Variants in EPB41L4A observed in about 807,000 individuals in gnomAD.
EPB41L4A encodes band 4.1-like protein 4A.
A neutral mutation model predicts 108.6 loss-of-function variants in EPB41L4A; 100 were observed. The observed-to-expected ratio is 0.92, with a 90% confidence interval of 0.78 to 1.09. The LOEUF is 1.09. EPB41L4A is among the 50% of genes least tolerant of loss of function. The pLI is 0.00. For synonymous variants in EPB41L4A, 319 were observed against 289.0 expected (o/e 1.10, Z -1.05); for missense variants, 1,030 against 842.7 (o/e 1.22, Z -2.75).
intron 11 of EPB41L4A, among the ~76,000 whole-genome samples, chr5:112,236,619 C>A (rs564791214): frequency 6.6e-6 from 1 of 152,154 alleles, no homozygotes; most frequent in Non-Finnish European, 1.5e-5. Flanking sequence ...CTCTCTGTTA[C>A]GACAGGACAC....
At chr5:112,390,000 G>C (rs994757356) in intron 1 of EPB41L4A, among the ~76,000 whole-genome samples, 2 of 152,304 alleles carry the variant, frequency 1.3e-5, no homozygotes, top group Middle Eastern at 3.4e-3. Flanking sequence ...CTAAGCTCTA[G>C]TAAATAAATT....
At chr5:112,173,096 T>C (rs1450458143) in intron 18 of EPB41L4A, among the ~76,000 whole-genome samples, 2 of 152,224 alleles carry the variant, frequency 1.3e-5, no homozygotes, top group Non-Finnish European at 1.5e-5. Flanking sequence ...AGGAATTAAG[T>C]GGCTATGGTT....
chr5:112,197,910 T>C (rs557554749), intron 15 of EPB41L4A, among the ~76,000 whole-genome samples: 15 of 152,352 alleles, frequency 9.8e-5, no homozygotes, highest in Admixed American at 9.8e-4. Context: ...AAAATGTCTT[T>C]ATTCTATACA....
At chr5:112,238,571 C>G (rs373826851) in intron 11 of EPB41L4A, among the ~76,000 whole-genome samples, 3 of 152,268 alleles carry the variant, frequency 2.0e-5, no homozygotes, top group African/African-American at 7.2e-5. Context: ...GACTATTGTC[C>G]TGAAAATGCT....
intron 12 of EPB41L4A, among the ~76,000 whole-genome samples, chr5:112,222,248 T>C (rs1406073557): frequency 6.6e-6 from 1 of 152,240 alleles, no homozygotes; most frequent in Non-Finnish European, 1.5e-5. Flanking sequence ...ACAGAAGTTG[T>C]ATATTTTCAA....
intron 18 of EPB41L4A, among the ~76,000 whole-genome samples, chr5:112,178,016 A>G (rs998663359): frequency 6.6e-6 from 1 of 151,840 alleles, no homozygotes; most frequent in African/African-American, 2.4e-5. Context: ...ACTGAACTTA[A>G]AAGACAGGGA....
intron 4 of EPB41L4A, among the ~76,000 whole-genome samples, chr5:112,273,134 T>G (rs1321194744): frequency 6.6e-6 from 1 of 152,220 alleles, no homozygotes; most frequent in Admixed American, 6.5e-5. Context: ...GGTAATATAT[T>G]CATGCAAATC....
intron 17 of EPB41L4A, among the ~76,000 whole-genome samples, chr5:112,190,002 T>C (rs1761616230): frequency 6.6e-6 from 1 of 152,172 alleles, no homozygotes; most frequent in African/African-American, 2.4e-5. Flanking sequence ...ACATGGCCCA[T>C]GGTCTCAAAC....
chr5:112,222,426 CTACCACCCATCT>C (rs1580463479), intron 12 of EPB41L4A, among the ~76,000 whole-genome samples: 2 of 152,314 alleles, frequency 1.3e-5, no homozygotes, highest in East Asian at 3.9e-4. Context: ...TAAGATGAGA[CTACCACCCATCT>C]TTCTCATGGG....
rs1761290629 is a variant in EPB41L4A, at chr5:112,183,947, G to T, written c.1622+69C>A. 3 of 1,579,232 alleles carry T rather than the reference G, an allele frequency of 1.9e-6. No homozygotes were observed. In the South Asian group the frequency reaches 3.4e-5, roughly 18 times the overall value. ...CTAGTTGAACTAAAACACTTTAGAA[G>T]ACCTGAATATCCACATGCTACTTCA... On this transcript the variant is annotated intron_variant, in intron 18 of 22. Transcript: ENST00000261486.
At chr5:112,261,769 C>CTA (rs1751501195) in intron 7 of EPB41L4A, among the ~76,000 whole-genome samples, 1 of 152,142 alleles carries the variant, frequency 6.6e-6, no homozygotes, top group South Asian at 2.1e-4. Flanking sequence ...TGCACCTGGC[C>CTA]TATTGCCTAA....
intron 18 of EPB41L4A, among the ~76,000 whole-genome samples, chr5:112,176,987 T>C (rs769970923): frequency 5.9e-5 from 9 of 152,048 alleles, no homozygotes; most frequent in Non-Finnish European, 1.3e-4. Flanking sequence ...ACTCCTGAAC[T>C]CAGGTGATCG....
rs937665915 is a variant in EPB41L4A, at chr5:112,319,196, G to C, written c.100-11706C>G. 2.6e-5 allele frequency among the ~76,000 whole-genome samples: 4 copies of C among 152,092 alleles called. No homozygotes were observed. The South Asian group carries it at 6.2e-4, about 24-fold the overall frequency. ...AAATAATGATGGAGGCATTTCAAAA[G>C]AACATTTCAAAAGCTAGGAGCCAGC... On this transcript the variant is annotated intron_variant, in intron 1 of 22. Transcript: ENST00000261486.
chr5:112,213,662 C>A (rs902941210), intron 12 of EPB41L4A, among the ~76,000 whole-genome samples: 2 of 152,048 alleles, frequency 1.3e-5, no homozygotes, highest in Non-Finnish European at 2.9e-5. Context: ...CCAACATGTA[C>A]AGTCTTTTTA....
At chr5:112,292,399 G>GCTC (rs1265399227) in intron 2 of EPB41L4A, among the ~76,000 whole-genome samples, 3 of 152,086 alleles carry the variant, frequency 2.0e-5, no homozygotes, top group Non-Finnish European at 4.4e-5. Flanking sequence ...AATAAACTAA[G>GCTC]CTCCTACAGA....
chr5:112,227,177 A>G (rs1748520629), intron 12 of EPB41L4A, among the ~76,000 whole-genome samples: 1 of 152,042 alleles, frequency 6.6e-6, no homozygotes, highest in Non-Finnish European at 1.5e-5. Flanking sequence ...CTCGATTTAT[A>G]CTGAATGTTC....
At chr5:112,299,694 TA>T (rs1754230936) in intron 2 of EPB41L4A, among the ~76,000 whole-genome samples, 1 of 152,178 alleles carries the variant, frequency 6.6e-6, no homozygotes, top group African/African-American at 2.4e-5. Flanking sequence ...GAGTATAGCT[TA>T]AATCCATTGT....
chr5:112,375,568 A>G (rs1759767346), intron 1 of EPB41L4A, among the ~76,000 whole-genome samples: 1 of 152,230 alleles, frequency 6.6e-6, no homozygotes, highest in Non-Finnish European at 1.5e-5. Flanking sequence ...TAATGCAGCC[A>G]TGATAAAAAA....
At chr5:112,267,424 T>C (rs887565756) in intron 4 of EPB41L4A, among the ~76,000 whole-genome samples, 1 of 152,264 alleles carries the variant, frequency 6.6e-6, no homozygotes, top group Non-Finnish European at 1.5e-5. Context: ...ACATTGATTA[T>C]TTCAGGAAGA....
Sources: allele counts gnomAD v4.1 joint callset (sites outside exome capture counted in the v4.1 genomes callset), GRCh38; gene constraint gnomAD v4.1.1; transcripts MANE v1.5; gene names NCBI Gene and HGNC (gene_info 2026-07-23, HGNC 2026-07-21).